Variants in GDF15 observed in about 807,000 individuals in gnomAD.
GDF15 encodes the protein growth/differentiation factor 15.
GDF15 carries 10 observed loss-of-function variants against 8.9 expected under a neutral mutation model. The observed-to-expected ratio is 1.12, with a 90% CI of 0.69 to 1.90. The LOEUF is 1.90. GDF15 is among the 40% of genes most tolerant of loss of function. GDF15 has a pLI of 0.00. For missense variants in GDF15, 452 were observed against 434.2 expected, an observed-to-expected ratio of 1.04 and a Z score of -0.36; for synonymous variants, 228 against 210.6, an observed-to-expected ratio of 1.08 and a Z score of -0.72.
Position 18,388,400 on chromosome 19 carries a change from C to T in GDF15, c.392C>T (p.Ala131Val), listed in dbSNP as rs957856329. ...GCTCTGTTCCGGCTGTCCCCGACGG[C>T]GTCAAGGTCGTGGGACGTGACACGA... ...HRALFRLSPT[A>V]SRSWDVTRPL... Residue 131 changes from alanine (A) to valine (V), a missense_variant, in exon 2 of 2, where the codon GCG becomes GTG. By Grantham distance (64) the Ala-to-Val change is moderately conservative (BLOSUM62 0). Coordinates refer to ENST00000252809, the MANE Select transcript of GDF15 (RefSeq NM_004864.4). The surrounding 1 kb of genome is among the most constrained non-coding windows in gnomAD (Gnocchi z 4.2). 4.3e-6 allele frequency: 7 copies of T among 1,611,392 alleles called. No individual in the cohort carries two copies. Among genetic ancestry groups the T allele is most frequent in the Non-Finnish European group, 5.9e-6 (7 of 1,179,538 alleles).
In GDF15 at chr19:18,386,216, G is replaced by T; in HGVS notation, c.27G>T (p.Val9=). The change falls in exon 1 of 2, where the codon GTG becomes GTT. Residue 9 remains valine, a synonymous_variant. Coordinates refer to ENST00000252809, the MANE Select transcript of GDF15 (RefSeq NM_004864.4). ...TGCCCGGGCAAGAACTCAGGACGGTGAATGGCTCTCAGATGCTCCTGGTGT... is the reference window on the plus strand; with the variant it reads ...TGCCCGGGCAAGAACTCAGGACGGTTAATGGCTCTCAGATGCTCCTGGTGT... MPGQELRT[V]NGSQMLLVLL... 1 of 1,612,704 alleles carries T rather than the reference G, an allele frequency of 6.2e-7. No individual in the cohort carries two copies. The highest frequency in any genetic ancestry group is 8.5e-7 in the Non-Finnish European group (1 of 1,179,852).
intron 1 of GDF15, chr19:18,386,837 T>A (rs779981175): frequency 8.6e-6 from 2 of 231,396 alleles, no homozygotes; most frequent in Non-Finnish European, 1.7e-5. Context: ...GTGTGGTGCA[T>A]GGATAGAAGT....
Position 18,386,301 on chromosome 19 carries a change from G to T in GDF15, c.112G>T (p.Ala38Ser), listed in dbSNP as rs1399949448. 1.2e-6 allele frequency: 2 copies of T among 1,614,124 alleles called. No homozygotes were observed. Among genetic ancestry groups the T allele is most frequent in the Non-Finnish European group, 8.5e-7 (1 of 1,180,034 alleles). Reference protein sequence around the residue: ...GALSLAEASRASFPGPSELHS... With the variant: ...GALSLAEASRSSFPGPSELHS... ...CCTGTCTCTGGCCGAGGCGAGCCGC[G>T]CAAGTTTCCCGGGACCCTCAGAGTT... Residue 38 changes from alanine (A) to serine (S), a missense_variant, in exon 1 of 2, where the codon GCA (alanine) becomes TCA (serine). By Grantham distance (99) the Ala-to-Ser change is moderately conservative. Coordinates refer to ENST00000252809, the MANE Select transcript of GDF15 (RefSeq NM_004864.4).
rs754651673 is a variant in GDF15 at position 18,388,882 on chromosome 19, G to T, written c.874G>T (p.Val292Leu). 1 of 1,611,752 alleles carries T rather than the reference G, an allele frequency of 6.2e-7. No homozygotes were observed. Among genetic ancestry groups the T allele is most frequent in the South Asian group, 1.1e-5 (1 of 91,052 alleles). The change falls in exon 2 of 2, where the codon GTG becomes TTG. Residue 292 changes from valine to leucine, a missense_variant. Transcript: ENST00000252809. The surrounding 1 kb of genome is among the most constrained non-coding windows in gnomAD (Gnocchi z 4.2). ...MVLIQKTDTG[V>L]SLQTYDDLLA... ...GCTCATTCAAAAGACCGACACCGGG[G>T]TGTCGCTCCAGACCTATGATGACTT...
rs763108346 is a variant in GDF15, at chr19:18,388,500, G to T, written c.492G>T (p.Ser164=). ...ACCTGCGACTGTCGCCGCCGCCGTC[G>T]CAGTCGGACCAACTGCTGGCAGAAT... The part of the protein sequence containing the change: ...ALHLRLSPPP[S]QSDQLLAESS... The change falls in exon 2 of 2, where the codon TCG becomes TCT. Residue 164 remains serine, a synonymous_variant. Coordinates refer to ENST00000252809, the MANE Select transcript of GDF15 (RefSeq NM_004864.4). This position sits in a 1 kb window ranked among gnomAD's most constrained non-coding sequence, Gnocchi z 4.2. 1.9e-6 allele frequency: 3 copies of T among 1,603,484 alleles called. No homozygotes were observed. The highest frequency in any genetic ancestry group is 1.3e-5 in the African/African-American group (1 of 74,906).
Position 18,388,719 on chromosome 19 carries a change from G to A in GDF15, c.711G>A (p.Val237=), listed in dbSNP as rs762752208. ...DWVLSPREVQ[V]TMCIGACPSQ... ...TGCTGTCGCCACGGGAGGTGCAAGT[G>A]ACCATGTGCATCGGCGCGTGCCCGA... The change falls in exon 2 of 2, where the codon GTG becomes GTA. Residue 237 remains valine, a synonymous_variant. Coordinates refer to ENST00000252809, the MANE Select transcript of GDF15 (RefSeq NM_004864.4). This position sits in a 1 kb window ranked among gnomAD's most constrained non-coding sequence, Gnocchi z 4.2. The A allele has an allele frequency of 1.2e-6, 2 of 1,609,312 alleles. No homozygotes were observed. The highest frequency in any genetic ancestry group is 1.7e-6 in the Non-Finnish European group (2 of 1,179,232).
At chr19:18,386,587 G>C in intron 1 of GDF15, 121 bp downstream of exon 1, 1 of 826,226 alleles carries the variant, frequency 1.2e-6, no homozygotes. Flanking sequence ...TCTGTGCCCT[G>C]GGTAGGAATA....
chr19:18,388,341 C>T lies in GDF15; in HGVS notation c.333C>T (p.Pro111=), dbSNP rs1059022. The change falls in exon 2 of 2, where the codon CCC becomes CCT. Residue 111 remains proline, a synonymous_variant. Coordinates refer to ENST00000252809, the MANE Select transcript of GDF15 (RefSeq NM_004864.4). This position sits in a 1 kb window ranked among gnomAD's most constrained non-coding sequence, Gnocchi z 4.2. ...TGCGTATCTCTCGGGCCGCCCTTCC[C>T]GAGGGGCTCCCCGAGGCCTCCCGCC... ...LHLRISRAAL[P]EGLPEASRLH... is the part of the protein sequence containing the mutation. The T allele has an allele frequency of 0.18, 286,509 of 1,610,866 alleles. 27,681 individuals are homozygous for T. Among genetic ancestry groups the T allele is most frequent in the African/African-American group, 0.34 (25,732 of 74,910 alleles).
rs780728583 is a variant in GDF15, at chr19:18,386,175, G to A, written c.-15G>A. ...ATCTGGTCAGTCCCAGCTCAGAGCC[G>A]CAACCTGCACAGCCATGCCCGGGCA... On this transcript the variant is annotated 5_prime_UTR_variant, in exon 1 of 2. Coordinates refer to ENST00000252809, the MANE Select transcript of GDF15 (RefSeq NM_004864.4). 1.9e-6 allele frequency: 3 copies of A among 1,605,964 alleles called. No individual in the cohort carries two copies. Among genetic ancestry groups the A allele is most frequent in the African/African-American group, 2.7e-5 (2 of 74,770 alleles).
Position 18,386,470 on chromosome 19 carries a change from A to T in GDF15, c.277+4A>T, listed in dbSNP as rs1351760225. The T allele has an allele frequency of 4.4e-6, 7 of 1,606,378 alleles. No homozygotes were observed. In the East Asian group the frequency reaches 1.6e-4, roughly 36 times the overall value. ...GTCCGGATACTCACGCCAGAAGGTAAGTGAAATCTTAGAGATCCCCTCCCA... is the reference window on the plus strand; with the variant it reads ...GTCCGGATACTCACGCCAGAAGGTATGTGAAATCTTAGAGATCCCCTCCCA... On this transcript the variant is annotated splice_donor_region_variant and intron_variant, in intron 1 of 1. Transcript: ENST00000252809.
At position 18,388,678 on chromosome 19, in the gene GDF15, G is replaced by C; in HGVS notation, c.670G>C (p.Gly224Arg). The change falls in exon 2 of 2, where the codon GGC (glycine) becomes CGC (arginine). Residue 224 changes from glycine (G) to arginine (R), a missense_variant. Gly to Arg is a moderately radical substitution (Grantham distance 125). Coordinates refer to ENST00000252809, the MANE Select transcript of GDF15 (RefSeq NM_004864.4). The surrounding 1 kb of genome is among the most constrained non-coding windows in gnomAD (Gnocchi z 4.2). ...HTVRASLEDL[G>R]WADWVLSPRE... ...GGTCCGCGCGTCGCTGGAAGACCTG[G>C]GCTGGGCCGATTGGGTGCTGTCGCC... The C allele has an allele frequency of 6.2e-7, 1 of 1,607,292 alleles. No individual in the cohort carries two copies. Among genetic ancestry groups the C allele is most frequent in the South Asian group, 1.1e-5 (1 of 90,926 alleles).
At chr19:18,386,929 G>C (rs1318358158) in intron 1 of GDF15, 1 of 176,110 alleles carries the variant, frequency 5.7e-6, no homozygotes, top group Admixed American at 5.5e-5. Flanking sequence ...CACATGCAAC[G>C]AGCGACTTGT....
At position 18,388,191 on chromosome 19, in the gene GDF15, A is replaced by G. The variant is rs980256758; in HGVS notation, c.278-95A>G. ...GTGCAAAGGCGCCGCCGCCGTGGTG[A>G]GATCCAGCTTGGCGTGTTAGGGGAA... On this transcript the variant is annotated intron_variant, in intron 1 of 1. Coordinates refer to ENST00000252809, the MANE Select transcript of GDF15 (RefSeq NM_004864.4). The surrounding 1 kb of genome is among the most constrained non-coding windows in gnomAD (Gnocchi z 4.2). 8 of 1,118,126 alleles carry G rather than the reference A, an allele frequency of 7.2e-6. No individual in the cohort carries two copies. Among genetic ancestry groups the G allele is most frequent in the South Asian group, 1.4e-5 (1 of 69,128 alleles). 69.3% of individuals were successfully genotyped at this position (1,118,126 alleles called of 1,614,324 possible).
In GDF15 at chr19:18,386,429, C is replaced by T; in HGVS notation, c.240C>T (p.Leu80=). Residue 80 remains leucine, a synonymous_variant, in exon 1 of 2, where the codon CTC becomes CTT. Coordinates refer to ENST00000252809, the MANE Select transcript of GDF15 (RefSeq NM_004864.4). ...NQSWEDSNTD[L]VPAPAVRILT... ...GCTGGGAAGATTCGAACACCGACCT[C>T]GTCCCGGCCCCTGCAGTCCGGATAC... The T allele has an allele frequency of 6.2e-7, 1 of 1,613,528 alleles. No homozygotes were observed. The highest frequency in any genetic ancestry group is 8.5e-7 in the Non-Finnish European group (1 of 1,179,960).
Position 18,388,262 on chromosome 19 carries a change from G to T in GDF15, c.278-24G>T, listed in dbSNP as rs201802816. 1.2e-6 allele frequency: 2 copies of T among 1,604,450 alleles called. No homozygotes were observed. Among genetic ancestry groups the T allele is most frequent in the Non-Finnish European group, 1.7e-6 (2 of 1,175,400 alleles). ...AAAACGGTAGGCCTGTGGGTGACCAGCTTCCCTATCTGTCTTCCCACAGTG... is the reference window on the plus strand; with the variant it reads ...AAAACGGTAGGCCTGTGGGTGACCATCTTCCCTATCTGTCTTCCCACAGTG... On this transcript the variant is annotated intron_variant, in intron 1 of 1. Transcript: ENST00000252809. The surrounding 1 kb of genome is among the most constrained non-coding windows in gnomAD (Gnocchi z 4.2).
At chr19:18,386,994 G>T in intron 1 of GDF15, 1 of 167,612 alleles carries the variant, frequency 6.0e-6, no homozygotes. Flanking sequence ...GAGGCTCCAG[G>T]GGTGCAGGGC....
rs1285055872 is a variant in GDF15 at position 18,388,816 on chromosome 19, C to T, written c.808C>T (p.Pro270Ser). Residue 270 changes from proline (P) to serine (S), a missense_variant, in exon 2 of 2, where the codon CCA becomes TCA. Coordinates refer to ENST00000252809, the MANE Select transcript of GDF15 (RefSeq NM_004864.4). The surrounding 1 kb of genome is among the most constrained non-coding windows in gnomAD (Gnocchi z 4.2). The part of the protein sequence containing the change: ...SLHRLKPDTV[P>S]APCCVPASYN... ...GCACCGCCTGAAGCCCGACACGGTG[C>T]CAGCGCCCTGCTGCGTGCCCGCCAG... 1 of 1,612,044 alleles carries T rather than the reference C, an allele frequency of 6.2e-7. No homozygotes were observed.
At chr19:18,387,237 G>A (rs1971842313) in intron 1 of GDF15, among the ~76,000 whole-genome samples, 1 of 152,136 alleles carries the variant, frequency 6.6e-6, no homozygotes, top group African/African-American at 2.4e-5. Context: ...GAATGTGATG[G>A]GTTTGGCACT....
chr19:18,388,279 C>A lies in GDF15; in HGVS notation c.278-7C>A, dbSNP rs1285874123. On this transcript the variant is annotated splice_region_variant and splice_polypyrimidine_tract_variant and intron_variant, in intron 1 of 1. Coordinates refer to ENST00000252809, the MANE Select transcript of GDF15 (RefSeq NM_004864.4). This position sits in a 1 kb window ranked among gnomAD's most constrained non-coding sequence, Gnocchi z 4.2. ...GGTGACCAGCTTCCCTATCTGTCTT[C>A]CCACAGTGCGGCTGGGATCCGGCGG... The A allele has an allele frequency of 1.2e-6, 2 of 1,609,976 alleles. No homozygotes were observed. The highest frequency in any genetic ancestry group is 1.7e-5 in the Admixed American group (1 of 59,934).
Sources: allele counts gnomAD v4.1 joint callset (sites outside exome capture counted in the v4.1 genomes callset), GRCh38; gene constraint gnomAD v4.1.1; non-coding constraint Gnocchi (gnomAD v3.1); transcripts MANE v1.5; gene names NCBI Gene and HGNC (gene_info 2026-07-23, HGNC 2026-07-21).